The following RIMS2 variants were observed in gnomAD, a reference collection of about 807,000 sequenced individuals.
RIMS2 encodes the protein regulating synaptic membrane exocytosis 2.
RIMS2 carries 59 observed loss-of-function variants against 174.4 expected under a neutral mutation model. That is an observed-to-expected ratio of 0.34 (90% CI 0.27 to 0.42). RIMS2 has a LOEUF of 0.42. RIMS2 is among the 10% of genes least tolerant of loss of function. The pLI is 1.00. For missense variants in RIMS2, 1,620 were observed against 1,666.3 expected, an observed-to-expected ratio of 0.97 and a Z score of 0.48; for synonymous variants, 606 against 572.5, an observed-to-expected ratio of 1.06 and a Z score of -0.84.
At chr8:103,558,555 T>C (rs10099193) in intron 1 of RIMS2, among the ~76,000 whole-genome samples, 1,765 of 152,286 alleles carry the variant, frequency 0.012, 31 homozygotes, top group African/African-American at 0.039. Flanking sequence ...TTTTAACCAT[T>C]TCATACAAAC....
chr8:104,031,075 A>G (rs1337675270), intron 19 of RIMS2, among the ~76,000 whole-genome samples: 1 of 152,194 alleles, frequency 6.6e-6, no homozygotes, highest in Non-Finnish European at 1.5e-5. Context: ...AGTAACTCAT[A>G]TTCAATGATA....
intron 17 of RIMS2, chr8:103,998,251 G>C (rs375591815): frequency 2.5e-6 from 4 of 1,602,256 alleles, no homozygotes; most frequent in Non-Finnish European, 3.4e-6. Flanking sequence ...GGGATGGCAG[G>C]TATATTTTTC....
intron 1 of RIMS2, among the ~76,000 whole-genome samples, chr8:103,504,104 T>A (rs952170923): frequency 1.3e-5 from 2 of 152,146 alleles, no homozygotes. Context: ...CATGTATTGC[T>A]GTAGCAGTTT....
intron 4 of RIMS2, among the ~76,000 whole-genome samples, chr8:103,896,093 T>C (rs759580427): frequency 1.1e-4 from 16 of 151,664 alleles, no homozygotes; most frequent in Non-Finnish European, 1.9e-4. Context: ...GTGGAGAGTG[T>C]ATTTAGCTTT....
intron 19 of RIMS2, among the ~76,000 whole-genome samples, chr8:104,052,556 T>G (rs1313121801): frequency 6.6e-6 from 1 of 152,170 alleles, no homozygotes; most frequent in Non-Finnish European, 1.5e-5. Flanking sequence ...GATCAAGAGA[T>G]ATTTAGGGCT....
intron 2 of RIMS2, among the ~76,000 whole-genome samples, chr8:103,753,961 C>G (rs1300715145): frequency 6.6e-6 from 1 of 151,966 alleles, no homozygotes; most frequent in African/African-American, 2.4e-5. Context: ...TATTTCTTGC[C>G]TTCTGCTAGC....
intron 1 of RIMS2, among the ~76,000 whole-genome samples, chr8:103,545,635 C>A (rs1315729952): frequency 1.3e-5 from 2 of 152,254 alleles, no homozygotes; most frequent in East Asian, 3.9e-4. Flanking sequence ...AGAAGGGGCA[C>A]ACCCCCTACA....
At chr8:103,610,600 T>C (rs2134171168) in intron 1 of RIMS2, among the ~76,000 whole-genome samples, 1 of 152,356 alleles carries the variant, frequency 6.6e-6, no homozygotes, top group South Asian at 2.1e-4. Flanking sequence ...ATGTGCTTTG[T>C]TTATAGTCCT....
At chr8:103,766,397 G>A (rs186385831) in exon 3 of RIMS2, 2 of 1,613,922 alleles carry the variant, frequency 1.2e-6, no homozygotes, top group East Asian at 2.2e-5. Flanking sequence ...TACATGAGCA[G>A]ACCCAGTTCC....
intron 2 of RIMS2, among the ~76,000 whole-genome samples, chr8:103,732,783 T>A (rs1330973357): frequency 1.3e-5 from 2 of 152,152 alleles, no homozygotes; most frequent in African/African-American, 2.4e-5. Flanking sequence ...TACCAAGATC[T>A]TTTTAGTCAG....
intron 19 of RIMS2, among the ~76,000 whole-genome samples, chr8:104,088,215 G>GAA (rs1478623402): frequency 6.6e-6 from 1 of 152,028 alleles, no homozygotes; most frequent in East Asian, 1.9e-4. Context: ...GCTCCTCAGA[G>GAA]AAAAAGTACC....
At chr8:104,228,043 C>G (rs796625008) in intron 19 of RIMS2, among the ~76,000 whole-genome samples, 2 of 71,022 alleles carry the variant, frequency 2.8e-5, no homozygotes, top group African/African-American at 1.1e-4. Context: ...TTTTTTTTTT[C>G]TTTGAGACAG....
intron 4 of RIMS2, among the ~76,000 whole-genome samples, chr8:103,896,099 G>C (rs2154522812): frequency 6.6e-6 from 1 of 151,694 alleles, no homozygotes; most frequent in Non-Finnish European, 1.5e-5. Flanking sequence ...AGTGTATTTA[G>C]CTTTTCTGAG....
At chr8:103,594,839 T>C (rs2094423281) in intron 1 of RIMS2, among the ~76,000 whole-genome samples, 1 of 151,944 alleles carries the variant, frequency 6.6e-6, no homozygotes, top group South Asian at 2.1e-4. Flanking sequence ...ATTTACAATA[T>C]ATAAGTATGT....
chr8:104,029,401 A>G (rs977710749), intron 19 of RIMS2, among the ~76,000 whole-genome samples: 2 of 152,156 alleles, frequency 1.3e-5, no homozygotes, highest in African/African-American at 4.8e-5. Context: ...AAACTTGCCT[A>G]AAGTTATAGG....
At chr8:103,892,178 T>TAA (rs2099250185) in intron 4 of RIMS2, among the ~76,000 whole-genome samples, 1 of 151,706 alleles carries the variant, frequency 6.6e-6, no homozygotes, top group South Asian at 2.1e-4. Context: ...AATAAGAATA[T>TAA]GTTAAAAATT....
intron 19 of RIMS2, among the ~76,000 whole-genome samples, chr8:104,053,814 C>T (rs910219321): frequency 6.6e-6 from 1 of 151,998 alleles, no homozygotes; most frequent in African/African-American, 2.4e-5. Context: ...GGTGGCCTTA[C>T]AGTGACAAAG....
At chr8:104,106,037 CAAAAAAAAAAAAAAAAA>C (rs575916023) in intron 19 of RIMS2, among the ~76,000 whole-genome samples, 8 of 56,916 alleles carry the variant, frequency 1.4e-4, no homozygotes. Flanking sequence ...GACTCTGCCA[CAAAAAAAAAAAAAAAAA>C]AAAAAAAAAA....
chr8:103,680,822 G>T (rs1038781289), intron 1 of RIMS2, among the ~76,000 whole-genome samples: 1 of 151,808 alleles, frequency 6.6e-6, no homozygotes, highest in African/African-American at 2.4e-5. Context: ...TTAAAAAGTT[G>T]AGTAATAATC....
Sources: gnomAD v4.1 joint callset for allele counts (sites outside exome capture counted in the v4.1 genomes callset) on GRCh38, gnomAD v4.1.1 for gene constraint, MANE v1.5 for transcripts, NCBI Gene and HGNC (gene_info 2026-07-23, HGNC 2026-07-21) for gene names.